The following SORCS3 variants were observed in gnomAD, a reference collection of about 807,000 sequenced individuals.
SORCS3 encodes VPS10 domain-containing receptor SorCS3.
A neutral mutation model predicts 146.3 loss-of-function variants in SORCS3; 57 were observed. The ratio of observed to expected loss-of-function variants is 0.39; its 90% CI spans 0.31 to 0.49. The LOEUF is 0.49. Ranked by LOEUF, SORCS3 falls within the 20% of genes least tolerant of loss-of-function variation. The pLI is 0.92. For missense variants in SORCS3, 1,341 were observed against 1,575.5 expected (o/e 0.85, Z 2.52); for synonymous variants, 653 against 618.5 (o/e 1.06, Z -0.83).
chr10:105,112,797 T>G (rs1372764489), intron 7 of SORCS3, among the ~76,000 whole-genome samples: 1 of 152,150 alleles, frequency 6.6e-6, no homozygotes, highest in East Asian at 1.9e-4. Context: ...TTCCTACTAT[T>G]TAAGCAGTTA....
chr10:104,851,246 T>C (rs1252337339), intron 2 of SORCS3, among the ~76,000 whole-genome samples: 1 of 152,216 alleles, frequency 6.6e-6, no homozygotes, highest in Non-Finnish European at 1.5e-5. Context: ...GCCTCTTTTT[T>C]CTTCCACTAG....
chr10:104,647,355 C>T (rs1180030068), intron 1 of SORCS3, among the ~76,000 whole-genome samples: 1 of 152,218 alleles, frequency 6.6e-6, no homozygotes, highest in Non-Finnish European at 1.5e-5. Flanking sequence ...TTATTCATAG[C>T]TCAGTTCAAC....
chr10:104,861,291 A>G (rs550576406), intron 2 of SORCS3, among the ~76,000 whole-genome samples: 23 of 152,266 alleles, frequency 1.5e-4, no homozygotes, highest in African/African-American at 5.5e-4. Context: ...TACCACCTGG[A>G]TTTGAATCCC....
At chr10:105,089,902 C>T in intron 6 of SORCS3, 63 bp downstream of exon 6, 4 of 1,321,180 alleles carry the variant, frequency 3.0e-6, no homozygotes, top group Non-Finnish European at 4.4e-6. Context: ...TGTCCTCCCC[C>T]AATTTGCATT....
chr10:104,825,783 T>A (rs2017928310), intron 1 of SORCS3, among the ~76,000 whole-genome samples: 1 of 152,212 alleles, frequency 6.6e-6, no homozygotes. Context: ...AGAATGGCCA[T>A]CTCATTTTCA....
intron 8 of SORCS3, among the ~76,000 whole-genome samples, chr10:105,143,158 TG>T (rs2056107161): frequency 6.6e-6 from 1 of 152,182 alleles, no homozygotes. Flanking sequence ...ATCAAATAGA[TG>T]CCTCTACATC....
At chr10:104,850,198 A>G (rs1239425814) in intron 2 of SORCS3, among the ~76,000 whole-genome samples, 1 of 152,208 alleles carries the variant, frequency 6.6e-6, no homozygotes, top group Non-Finnish European at 1.5e-5. Flanking sequence ...CCTCAGAATT[A>G]CTTGTGGAAT....
intron 19 of SORCS3, among the ~76,000 whole-genome samples, chr10:105,221,312 T>C (rs1401673002): frequency 1.3e-5 from 2 of 152,180 alleles, no homozygotes. Context: ...ACACAGAATA[T>C]GTCCAGTTAG....
chr10:105,093,695 A>G (rs541229006), intron 6 of SORCS3, among the ~76,000 whole-genome samples: 1 of 152,320 alleles, frequency 6.6e-6, no homozygotes, highest in East Asian at 1.9e-4. Flanking sequence ...ATATCACTAT[A>G]TATCTATTGT....
At chr10:105,229,089 A>G (rs2056752354) in intron 20 of SORCS3, among the ~76,000 whole-genome samples, 1 of 151,836 alleles carries the variant, frequency 6.6e-6, no homozygotes, top group Non-Finnish European at 1.5e-5. Context: ...ATTTCCAAAA[A>G]CCTGTTTTCG....
chr10:105,234,032 A>C (rs1407074760), intron 20 of SORCS3, among the ~76,000 whole-genome samples: 2 of 152,052 alleles, frequency 1.3e-5, no homozygotes, highest in South Asian at 2.1e-4. Context: ...CTTCTGTCTG[A>C]AGAAACTTTA....
chr10:105,135,068 C>T (rs756534695), intron 7 of SORCS3, among the ~76,000 whole-genome samples: 1 of 151,860 alleles, frequency 6.6e-6, no homozygotes, highest in African/African-American at 2.4e-5. Context: ...CGGTGAAGTC[C>T]AAAACCCAAC....
chr10:105,182,941 G>A (rs1489226055), intron 14 of SORCS3, among the ~76,000 whole-genome samples: 1 of 152,142 alleles, frequency 6.6e-6, no homozygotes, highest in Non-Finnish European at 1.5e-5. Context: ...GAGCTCAAGT[G>A]ATCTGCCCAC....
At chr10:105,107,355 A>G (rs2055829614) in intron 7 of SORCS3, among the ~76,000 whole-genome samples, 1 of 144,984 alleles carries the variant, frequency 6.9e-6, no homozygotes, top group South Asian at 2.2e-4. Flanking sequence ...GGAGTGAGTT[A>G]TGAATTTACC....
At chr10:104,651,928 G>A (rs1347649469) in intron 1 of SORCS3, among the ~76,000 whole-genome samples, 1 of 152,132 alleles carries the variant, frequency 6.6e-6, no homozygotes, top group Non-Finnish European at 1.5e-5. Context: ...CACTACCAAT[G>A]ACTGGTAGGA....
At chr10:104,782,454 C>G (rs2017385932) in intron 1 of SORCS3, among the ~76,000 whole-genome samples, 1 of 152,176 alleles carries the variant, frequency 6.6e-6, no homozygotes, top group South Asian at 2.1e-4. Flanking sequence ...GGGAGGATGA[C>G]ACAGTACTGC....
chr10:105,222,725 C>T (rs949092696), intron 19 of SORCS3, among the ~76,000 whole-genome samples: 1 of 152,124 alleles, frequency 6.6e-6, no homozygotes, highest in African/African-American at 2.4e-5. Context: ...AATGGAAGAG[C>T]CTTCCATACA....
intron 5 of SORCS3, among the ~76,000 whole-genome samples, chr10:105,065,559 G>A (rs2055517348): frequency 6.6e-6 from 1 of 152,022 alleles, no homozygotes; most frequent in Non-Finnish European, 1.5e-5. Context: ...AAAATACTCA[G>A]TGTAAGTTCT....
In SORCS3 at chr10:105,086,882, T is replaced by A. The variant is rs182985263; in HGVS notation, c.1029-2893T>A. Among the ~76,000 whole-genome samples, 385 of 152,388 alleles carry A rather than the reference T, an allele frequency of 2.5e-3. 7 individuals carry two copies. The highest frequency in any genetic ancestry group is 0.022 in the Admixed American group (330 of 15,310). On this transcript the variant is annotated intron_variant, in intron 5 of 26. Transcript: ENST00000369701. ...GGTTGCCTGTTCACTCTGATGATAG[T>A]TTCTTTTGCTGCGTAGAAGCTCTTT...
Sources: gnomAD v4.1 joint callset for allele counts (sites outside exome capture counted in the v4.1 genomes callset) on GRCh38, gnomAD v4.1.1 for gene constraint, MANE v1.5 for transcripts, NCBI Gene and HGNC (gene_info 2026-07-23, HGNC 2026-07-21) for gene names.